CHCHD3: variants seen among roughly 807,000 people sequenced by gnomAD.
The protein encoded by CHCHD3 is MICOS complex subunit MIC19.
CHCHD3 carries 20 observed loss-of-function variants against 38.2 expected under a neutral mutation model. The observed-to-expected ratio is 0.52, with a 90% CI of 0.37 to 0.76. The LOEUF is 0.76. Among genes scored for constraint, CHCHD3 ranks in the 30% least tolerant of loss-of-function variants. The pLI, the probability that CHCHD3 is intolerant of heterozygous loss-of-function variation, is 0.00. For missense variants in CHCHD3, 245 were observed against 279.2 expected, an observed-to-expected ratio of 0.88 and a Z score of 0.87; for synonymous variants, 82 against 100.0, an observed-to-expected ratio of 0.82 and a Z score of 1.07.
intron 2 of CHCHD3, among the ~76,000 whole-genome samples, chr7:133,041,682 A>C (rs1813838640): frequency 1.3e-5 from 2 of 152,242 alleles, no homozygotes; most frequent in South Asian, 4.1e-4. Flanking sequence ...TTCACTAAGC[A>C]GAATGAAATG....
At chr7:132,829,201 G>A (rs961185480) in intron 6 of CHCHD3, among the ~76,000 whole-genome samples, 2 of 152,298 alleles carry the variant, frequency 1.3e-5, no homozygotes, top group Middle Eastern at 6.8e-3. Flanking sequence ...ACTGTGAGCT[G>A]TGTAGTTAAT....
intron 3 of CHCHD3, among the ~76,000 whole-genome samples, chr7:132,984,201 T>C (rs1162296040): frequency 6.6e-6 from 1 of 151,592 alleles, no homozygotes; most frequent in Admixed American, 6.6e-5. Context: ...TGCCTGCGAT[T>C]GCAGGCGCAC....
intron 1 of CHCHD3, among the ~76,000 whole-genome samples, chr7:133,081,061 C>T (rs1815157769): frequency 6.6e-6 from 1 of 152,042 alleles, no homozygotes; most frequent in Admixed American, 6.5e-5. Context: ...AGAGAAAAAC[C>T]AGGTTTTCAG....
intron 4 of CHCHD3, among the ~76,000 whole-genome samples, chr7:132,934,260 C>T (rs773085359): frequency 1.3e-5 from 2 of 152,086 alleles, no homozygotes; most frequent in Non-Finnish European, 2.9e-5. Flanking sequence ...AATGCTACTG[C>T]TCTACACACC....
intron 4 of CHCHD3, among the ~76,000 whole-genome samples, chr7:132,916,106 T>C (rs965373641): frequency 4.6e-5 from 7 of 152,142 alleles, no homozygotes; most frequent in African/African-American, 1.7e-4. Flanking sequence ...TGTCTGTTTT[T>C]CTAATTATTT....
At chr7:132,975,566 A>T (rs1230815039) in intron 3 of CHCHD3, among the ~76,000 whole-genome samples, 3 of 152,186 alleles carry the variant, frequency 2.0e-5, no homozygotes, top group African/African-American at 7.2e-5. Flanking sequence ...ATGTAAAATT[A>T]AAATCTGCCC....
intron 4 of CHCHD3, among the ~76,000 whole-genome samples, chr7:132,935,695 G>C (rs567690970): frequency 2.0e-5 from 3 of 152,316 alleles, no homozygotes; most frequent in South Asian, 4.1e-4. Flanking sequence ...GGTGACTCTA[G>C]ACAAATCACT....
At chr7:132,924,938 T>G (rs564803886) in intron 4 of CHCHD3, among the ~76,000 whole-genome samples, 23 of 152,158 alleles carry the variant, frequency 1.5e-4, no homozygotes, top group Non-Finnish European at 2.9e-4. Flanking sequence ...GGTCCAGAAC[T>G]GAAAAGAACT....
At chr7:132,808,019 C>T (rs925363421) in intron 6 of CHCHD3, among the ~76,000 whole-genome samples, 8 of 152,002 alleles carry the variant, frequency 5.3e-5, no homozygotes, top group Non-Finnish European at 8.8e-5. Flanking sequence ...AACTTAAAGA[C>T]GACAGATATG....
chr7:132,903,300 T>A (rs1809715112), intron 4 of CHCHD3, among the ~76,000 whole-genome samples: 2 of 152,152 alleles, frequency 1.3e-5, no homozygotes, highest in African/African-American at 4.8e-5. Context: ...CCTGTATTTA[T>A]TTTTTATTTG....
rs920982351 is a variant in CHCHD3 at position 132,972,631 on chromosome 7, T to A, written c.369+2538A>T. 14 of 985,332 alleles carry A rather than the reference T, an allele frequency of 1.4e-5. No homozygotes were observed. The Admixed American group carries it at 8.6e-4, about 61-fold the overall frequency. 61.0% of individuals were successfully genotyped at this position (985,332 alleles called of 1,614,324 possible). ...AATAACTAAATGTCACTGGCAGCCA[T>A]GTTGCTGTGGCCATGGCAGACCATG... is the stretch of plus-strand genomic sequence containing the variant. On this transcript the variant is annotated intron_variant, in intron 4 of 7. Coordinates refer to ENST00000262570, the MANE Select transcript of CHCHD3 (RefSeq NM_017812.4).
At chr7:133,004,717 A>C (rs754495413) in intron 3 of CHCHD3, among the ~76,000 whole-genome samples, 1 of 152,258 alleles carries the variant, frequency 6.6e-6, no homozygotes, top group African/African-American at 2.4e-5. Flanking sequence ...GTAGGCAAGG[A>C]GAGTGGGCAA....
chr7:132,923,487 T>A (rs1025024949), intron 4 of CHCHD3, among the ~76,000 whole-genome samples: 2 of 152,104 alleles, frequency 1.3e-5, no homozygotes, highest in Admixed American at 1.3e-4. Flanking sequence ...ATGACCAGAC[T>A]TTTGGGACGT....
intron 2 of CHCHD3, among the ~76,000 whole-genome samples, chr7:133,029,286 T>C (rs139438858): frequency 0.013 from 1,964 of 152,214 alleles, 36 homozygotes; most frequent in African/African-American, 0.045. Flanking sequence ...GTGGGGAACA[T>C]TGGGGACACT....
At chr7:132,973,201 C>T (rs1554395977) in intron 4 of CHCHD3, 2 of 985,126 alleles carry the variant, frequency 2.0e-6, no homozygotes, top group Non-Finnish European at 2.4e-6. Flanking sequence ...AGATAAGATT[C>T]AAAAGAGTAA....
chr7:133,027,979 T>A lies in CHCHD3; in HGVS notation c.170-3352A>T, dbSNP rs116459295. On this transcript the variant is annotated intron_variant, in intron 2 of 7. Coordinates refer to ENST00000262570, the MANE Select transcript of CHCHD3 (RefSeq NM_017812.4). ...GACATATGGGTACACCTGTTAGCTA[T>A]GAAATTCTAGACTATAGACTTCACA... is the stretch of plus-strand genomic sequence containing the variant. Among the ~76,000 whole-genome samples, 693 of 152,318 alleles carry A rather than the reference T, an allele frequency of 4.5e-3. 5 individuals carry two copies. The highest frequency in any genetic ancestry group is 0.016 in the African/African-American group (661 of 41,574).
chr7:132,838,522 G>A, intron 5 of CHCHD3, 53 bp from the exon 6 acceptor site: 1 of 1,342,694 alleles, frequency 7.4e-7, no homozygotes. Context: ...GACAAAATGT[G>A]TGGAAGATTT....
At chr7:132,802,832 C>CATG (rs1806826701) in intron 6 of CHCHD3, among the ~76,000 whole-genome samples, 1 of 151,928 alleles carries the variant, frequency 6.6e-6, no homozygotes, top group African/African-American at 2.4e-5. Flanking sequence ...TTAGAACAAC[C>CATG]ATGTACTCAT....
intron 6 of CHCHD3, among the ~76,000 whole-genome samples, chr7:132,822,798 C>T (rs1273866159): frequency 6.6e-6 from 1 of 151,574 alleles, no homozygotes; most frequent in African/African-American, 2.4e-5. Context: ...CTGCACTATC[C>T]GCCCCCACCG....
Sources: allele counts gnomAD v4.1 joint callset (sites outside exome capture counted in the v4.1 genomes callset), GRCh38; gene constraint gnomAD v4.1.1; transcripts MANE v1.5; gene names NCBI Gene and HGNC (gene_info 2026-07-23, HGNC 2026-07-21).